The following RSPO2 variants were observed in gnomAD, a reference collection of about 807,000 sequenced individuals.
The protein encoded by RSPO2 is R-spondin 2.
In RSPO2, 14 loss-of-function variants were observed where a neutral mutation model predicts 30.9. The observed-to-expected ratio is 0.45, with a 90% CI of 0.30 to 0.71. RSPO2 has a LOEUF of 0.71. Among genes scored for constraint, RSPO2 ranks in the 30% least tolerant of loss-of-function variants. The pLI is 0.08. For missense variants in RSPO2, 264 were observed against 301.9 expected, an observed-to-expected ratio of 0.87 and a Z score of 0.93; for synonymous variants, 107 against 96.4, an observed-to-expected ratio of 1.11 and a Z score of -0.64.
Position 107,952,558 on chromosome 8 carries a change from A to G in RSPO2, c.616+5522T>C, listed in dbSNP as rs529936659. ...GTTCTCTCTTATCTCCTCTCTTCCA[A>G]ACTACTCTTTAGGGTGACATGTATA... On this transcript the variant is annotated intron_variant, in intron 5 of 5. Coordinates refer to ENST00000276659, the MANE Select transcript of RSPO2 (RefSeq NM_178565.5). Among the ~76,000 whole-genome samples, 4 of 152,284 alleles carry G rather than the reference A, an allele frequency of 2.6e-5. No homozygotes were observed. In the South Asian group the frequency reaches 8.3e-4, roughly 32 times the overall value.
intron 5 of RSPO2, among the ~76,000 whole-genome samples, chr8:107,910,331 T>G: frequency 6.6e-6 from 1 of 152,190 alleles, no homozygotes; most frequent in East Asian, 1.9e-4. Context: ...CTATGGAACT[T>G]GACACACAAG....
At chr8:108,035,942 T>C (rs1289581268) in intron 2 of RSPO2, among the ~76,000 whole-genome samples, 1 of 152,202 alleles carries the variant, frequency 6.6e-6, no homozygotes, top group African/African-American at 2.4e-5. Flanking sequence ...AAAACATTTT[T>C]CATGATTTTG....
chr8:107,951,086 GAGA>G (rs989097521), intron 5 of RSPO2, among the ~76,000 whole-genome samples: 4 of 138,328 alleles, frequency 2.9e-5, no homozygotes, highest in African/African-American at 1.1e-4. Context: ...TGTTGTTTTT[GAGA>G]AGGAGTCTTG....
rs189518923 is a variant in RSPO2, at chr8:107,991,056, C to T, written c.95-1812G>A. 8.5e-5 allele frequency among the ~76,000 whole-genome samples: 13 copies of T among 152,160 alleles called. No homozygotes were observed. The East Asian group carries it at 2.5e-3, about 30-fold the overall frequency. On this transcript the variant is annotated intron_variant, in intron 2 of 5. Transcript: ENST00000276659. ...GATCAGCCTGACCAACACGGAGAAA[C>T]CCTATCTCTACAAAAAATAAATAAA...
At chr8:107,925,877 G>A (rs1312453737) in intron 5 of RSPO2, among the ~76,000 whole-genome samples, 1 of 152,158 alleles carries the variant, frequency 6.6e-6, no homozygotes, top group Non-Finnish European at 1.5e-5. Context: ...GTGTGCATGT[G>A]TCTTTATAGC....
At chr8:108,032,698 A>T (rs773449125) in intron 2 of RSPO2, among the ~76,000 whole-genome samples, 66 of 152,036 alleles carry the variant, frequency 4.3e-4, no homozygotes, top group Non-Finnish European at 8.7e-4. Flanking sequence ...TAGTGTCATC[A>T]TAGCTCACTG....
At chr8:108,053,101 G>A (rs1395378602) in intron 2 of RSPO2, among the ~76,000 whole-genome samples, 1 of 152,066 alleles carries the variant, frequency 6.6e-6, no homozygotes, top group African/African-American at 2.4e-5. Flanking sequence ...GTCTCAACTG[G>A]GGGACTGAGT....
In RSPO2 at chr8:108,083,599, C is replaced by A. The variant is rs1416081774; in HGVS notation, c.-572G>T. On this transcript the variant is annotated 5_prime_UTR_variant, in exon 1 of 6. Transcript: ENST00000276659. ...GATCCGAAGGGATGTGGCAAGCGCACTTTCCGATGGAGATGCAGACCGGCT... is the reference window on the plus strand; with the variant it reads ...GATCCGAAGGGATGTGGCAAGCGCAATTTCCGATGGAGATGCAGACCGGCT... 6.6e-6 allele frequency: 1 copy of A among 152,368 alleles called. No individual in the cohort carries two copies. The highest frequency in any genetic ancestry group is 1.5e-5 in the Non-Finnish European group (1 of 68,152). 9.4% of individuals were successfully genotyped at this position (152,368 alleles called of 1,614,324 possible). A position where few individuals can be genotyped will look rare whatever the true frequency, so the allele number is the denominator to read the frequency against.
chr8:108,056,818 G>A (rs1202913795), intron 2 of RSPO2, among the ~76,000 whole-genome samples: 4 of 151,210 alleles, frequency 2.6e-5, no homozygotes, highest in African/African-American at 9.7e-5. Flanking sequence ...CACTTTGGGA[G>A]GCCAAGGGGG....
chr8:107,993,001 T>C (rs2130535379), intron 2 of RSPO2, among the ~76,000 whole-genome samples: 1 of 152,306 alleles, frequency 6.6e-6, no homozygotes, highest in Admixed American at 6.5e-5. Context: ...TGCAACAAGC[T>C]ATAGTGATCA....
chr8:107,926,179 GT>G (rs1358172216), intron 5 of RSPO2, among the ~76,000 whole-genome samples: 4 of 152,084 alleles, frequency 2.6e-5, no homozygotes, highest in African/African-American at 9.7e-5. Flanking sequence ...TTTTTCATGT[GT>G]TTTTTGGCTG....
At chr8:108,011,134 G>GAAA (rs66722934) in intron 2 of RSPO2, among the ~76,000 whole-genome samples, 57 of 100,392 alleles carry the variant, frequency 5.7e-4, no homozygotes, top group Non-Finnish European at 8.5e-4. Flanking sequence ...CTCCGTCCCA[G>GAAA]AAAAAAAAAA....
intron 5 of RSPO2, among the ~76,000 whole-genome samples, chr8:107,908,658 T>C (rs1421444575): frequency 2.0e-5 from 3 of 152,176 alleles, no homozygotes; most frequent in Non-Finnish European, 4.4e-5. Context: ...TTTATTTCTT[T>C]CTAACCATAG....
At chr8:108,068,351 T>C (rs1812735538) in intron 2 of RSPO2, among the ~76,000 whole-genome samples, 1 of 152,192 alleles carries the variant, frequency 6.6e-6, no homozygotes, top group African/African-American at 2.4e-5. Flanking sequence ...GTGCCATTAA[T>C]ATTCTTGCTT....
At chr8:108,033,434 G>A (rs73321446) in intron 2 of RSPO2, among the ~76,000 whole-genome samples, 4,461 of 152,220 alleles carry the variant, frequency 0.029, 210 homozygotes, top group African/African-American at 0.1. Context: ...CTAAGCCACT[G>A]ATCTTCTCCA....
chr8:107,933,327 T>G (rs1287847195), intron 5 of RSPO2, among the ~76,000 whole-genome samples: 1 of 152,130 alleles, frequency 6.6e-6, no homozygotes, highest in African/African-American at 2.4e-5. Flanking sequence ...ATAGTCAACT[T>G]TTGAAAAGTA....
chr8:108,014,646 A>G (rs1810818533), intron 2 of RSPO2, among the ~76,000 whole-genome samples: 1 of 152,046 alleles, frequency 6.6e-6, no homozygotes, highest in African/African-American at 2.4e-5. Context: ...TTGAACAATG[A>G]GAACACATGG....
At chr8:108,068,205 C>T (rs1195757208) in intron 2 of RSPO2, among the ~76,000 whole-genome samples, 1 of 152,204 alleles carries the variant, frequency 6.6e-6, no homozygotes, top group Non-Finnish European at 1.5e-5. Flanking sequence ...AAAGAGGTGA[C>T]TCTGAGTTTG....
chr8:107,914,810 T>C (rs1419113915), intron 5 of RSPO2, among the ~76,000 whole-genome samples: 1 of 152,172 alleles, frequency 6.6e-6, no homozygotes, highest in African/African-American at 2.4e-5. Flanking sequence ...AAGATCAATA[T>C]GTAAGTGTAT....
Sources: allele counts gnomAD v4.1 joint callset (sites outside exome capture counted in the v4.1 genomes callset), GRCh38; gene constraint gnomAD v4.1.1; transcripts MANE v1.5; gene names NCBI Gene and HGNC (gene_info 2026-07-23, HGNC 2026-07-21).